KDM6A: variants seen among roughly 807,000 people sequenced by gnomAD.
The protein encoded by KDM6A is lysine demethylase 6A.
A neutral mutation model predicts 117.6 loss-of-function variants in KDM6A; 11 were observed. That is an observed-to-expected ratio of 0.09 (90% CI 0.06 to 0.15). The LOEUF (loss-of-function observed/expected upper bound fraction) is 0.15. Among genes scored for constraint, KDM6A ranks in the 10% least tolerant of loss-of-function variants. The pLI is 1.00. For synonymous variants in KDM6A, 384 were observed against 396.1 expected (o/e 0.97, Z 0.36); for missense variants, 799 against 1,077.3 (o/e 0.74, Z 3.62).
intron 4 of KDM6A, among the ~76,000 whole-genome samples, chrX:45,010,430 A>T (rs1207075102): frequency 1.8e-5 from 2 of 111,897 alleles, no homozygotes; most frequent in Non-Finnish European, 3.8e-5. Context: ...AAGTGTTGAC[A>T]CATGTCTTGT....
intron 2 of KDM6A, among the ~76,000 whole-genome samples, chrX:44,923,498 A>G (rs1194518863): frequency 2.4e-5 from 2 of 83,954 alleles, no homozygotes; most frequent in Admixed American, 2.7e-4. Context: ...CTTCAAGTTC[A>G]CTAATAATTT....
At chrX:44,898,996 AGAGG>A (rs2034118081) in intron 2 of KDM6A, among the ~76,000 whole-genome samples, 1 of 72,186 alleles carries the variant, frequency 1.4e-5, no homozygotes, top group African/African-American at 9.5e-5. Context: ...GGAGGGAGGG[AGAGG>A]GAGGGTGTGT....
At chrX:44,969,101 GTAA>G (rs1240587429) in intron 3 of KDM6A, among the ~76,000 whole-genome samples, 4 of 111,306 alleles carry the variant, frequency 3.6e-5, no homozygotes, top group African/African-American at 1.3e-4. Flanking sequence ...TTAGAGGAGT[GTAA>G]TAATCATTCC....
At chrX:45,046,207 T>C (rs2043530336) in intron 8 of KDM6A, among the ~76,000 whole-genome samples, 1 of 112,020 alleles carries the variant, frequency 8.9e-6, no homozygotes, top group Admixed American at 9.5e-5. Flanking sequence ...AGTCAAATTA[T>C]TATCACCATA....
rs185972870 is a variant in KDM6A at position 45,046,030 on chromosome X, C to A, written c.655-5679C>A. On this transcript the variant is annotated intron_variant, in intron 8 of 29. Coordinates refer to ENST00000611820, the MANE Select transcript of KDM6A (RefSeq NM_001291415.2). ...AGAGAGTCAATATACAGACTGATAT[C>A]ATGATGAATATTGGTGTAAAAATGC... is the stretch of plus-strand genomic sequence containing the variant. 1.8e-4 allele frequency among the ~76,000 whole-genome samples: 20 copies of A among 111,386 alleles called. No individual in the cohort carries two copies. The East Asian group carries it at 4.2e-3, about 23-fold the overall frequency.
chrX:45,060,609 G>A lies in KDM6A; in HGVS notation c.1330G>A (p.Ala444Thr), dbSNP rs1220086926. 6.7e-6 allele frequency: 7 copies of A among 1,052,220 alleles called. No homozygotes were observed. The South Asian group carries it at 1.4e-4, about 21-fold the overall frequency. The allele number at this position is 1,052,220 out of a possible 1,213,427, so 86.7% of individuals were successfully genotyped here. A position where few individuals can be genotyped will look rare whatever the true frequency, so the allele number is the denominator to read the frequency against. The part of the protein sequence containing the change: ...RQGAMNTAQQ[A>T]CKPHHPNTEP... ...TTTGTCTTCCTTCTGTGATTCTTAG[G>A]CATGTAAACCTCATCATCCAAATAC... Residue 444 changes from alanine (A) to threonine (T), a missense_variant and splice_region_variant, in exon 14 of 30, where the codon GCA becomes ACA. By Grantham distance (58) the Ala-to-Thr change is moderately conservative (BLOSUM62 0). Coordinates refer to ENST00000611820, the MANE Select transcript of KDM6A (RefSeq NM_001291415.2).
chrX:45,079,066 TC>T (rs2045269415), intron 20 of KDM6A, 79 bp from the exon 21 acceptor site: 1 of 855,920 alleles, frequency 1.2e-6, no homozygotes, highest in Non-Finnish European at 1.7e-6. Flanking sequence ...TTTACCTTCT[TC>T]CTTTAAAAAA....
Position 45,010,974 on chromosome X carries a change from T to C in KDM6A, c.398T>C (p.Leu133Ser). ...CTTCCTTTACAGAATGCTGCCTTTT[T>C]ATATGGTCTTGGTTTGGTCTACTTC... ...QSDYWKNAAFLYGLGLVYFHY... is the reference protein window; with the variant it reads ...QSDYWKNAAFSYGLGLVYFHY... Residue 133 changes from leucine (L) to serine (S), a missense_variant, in exon 5 of 30, where the codon TTA becomes TCA. Around this residue, in one of 8 missense-constraint regions of KDM6A, gnomAD observed 89 missense variants for 117.8 expected, o/e 0.76. Coordinates refer to ENST00000611820, the MANE Select transcript of KDM6A (RefSeq NM_001291415.2). 8.3e-7 allele frequency: 1 copy of C among 1,202,766 alleles called. No individual in the cohort carries two copies. The highest frequency in any genetic ancestry group is 1.1e-6 in the Non-Finnish European group (1 of 887,983).
intron 2 of KDM6A, among the ~76,000 whole-genome samples, chrX:44,905,381 T>A (rs1049737288): frequency 1.8e-5 from 2 of 112,407 alleles, no homozygotes; most frequent in African/African-American, 6.5e-5. Flanking sequence ...TCTGTTGTAT[T>A]CAGTACAGTA....
intron 4 of KDM6A, among the ~76,000 whole-genome samples, chrX:45,003,494 G>T (rs1056946054): frequency 9.3e-6 from 1 of 107,564 alleles, no homozygotes; most frequent in African/African-American, 3.4e-5. Context: ...CCATCTGCGG[G>T]TTACTGGGTT....
chrX:45,065,471 C>T (rs1189753270), intron 17 of KDM6A, among the ~76,000 whole-genome samples: 1 of 111,806 alleles, frequency 8.9e-6, no homozygotes, highest in Non-Finnish European at 1.9e-5. Flanking sequence ...CTCTTTGGTA[C>T]TCTGTGGATA....
intron 17 of KDM6A, among the ~76,000 whole-genome samples, chrX:45,069,148 T>C (rs1277115201): frequency 1.8e-5 from 2 of 112,503 alleles, no homozygotes; most frequent in Non-Finnish European, 3.7e-5. Flanking sequence ...ATTTTAATGA[T>C]AATTTTAAAG....
At chrX:44,986,024 G>A (rs188875415) in intron 4 of KDM6A, among the ~76,000 whole-genome samples, 4,247 of 111,589 alleles carry the variant, frequency 0.038, 219 homozygotes, top group African/African-American at 0.13. Context: ...ATTCGGCTGT[G>A]AATCCATCTG....
At chrX:44,876,938 T>C (rs2031652423) in intron 2 of KDM6A, among the ~76,000 whole-genome samples, 1 of 100,649 alleles carries the variant, frequency 9.9e-6, no homozygotes. Context: ...TATACGCATA[T>C]ACACACGTAT....
At position 45,060,644 on chromosome X, in the gene KDM6A, A is replaced by G. The variant is rs780829507; in HGVS notation, c.1365A>G (p.Val455=). The change falls in exon 14 of 30, where the codon GTA becomes GTG. Residue 455 remains valine (V), a synonymous_variant. Transcript: ENST00000611820. ...CTCATCATCCAAATACTGAACCTGT[A>G]TTAGGCCTCAGTCAAACACCAATTT... ...CKPHHPNTEP[V]LGLSQTPISQ... 8 of 1,067,420 alleles carry G rather than the reference A, an allele frequency of 7.5e-6. No homozygotes were observed. In the African/African-American group the frequency reaches 1.3e-4, roughly 17 times the overall value. 88.0% of individuals were successfully genotyped at this position (1,067,420 alleles called of 1,213,427 possible).
chrX:45,107,653 T>G, intron 28 of KDM6A, 117 bp downstream of exon 28: 3 of 691,087 alleles, frequency 4.3e-6, no homozygotes, highest in Non-Finnish European at 6.5e-6. Context: ...TTTATAGTAA[T>G]TAACATTGGA....
intron 4 of KDM6A, among the ~76,000 whole-genome samples, chrX:44,982,246 C>T (rs6520993): frequency 0.22 from 24,102 of 110,682 alleles, 4,337 homozygotes; most frequent in African/African-American, 0.61. Flanking sequence ...TGGTCTGTTA[C>T]AAGATATGCA....
chrX:45,015,674 T>G (rs1333361428), intron 5 of KDM6A, among the ~76,000 whole-genome samples: 1 of 112,067 alleles, frequency 8.9e-6, no homozygotes, highest in Admixed American at 9.5e-5. Context: ...GCTATCATGA[T>G]ACAAACATAC....
At position 44,923,319 on chromosome X, in the gene KDM6A, A is replaced by G. The variant is rs146969479; in HGVS notation, c.226-37965A>G. 4.8e-3 allele frequency among the ~76,000 whole-genome samples: 531 copies of G among 109,833 alleles called. 5 individuals carry two copies. In the South Asian group the frequency reaches 0.063, roughly 13 times the overall value. On this transcript the variant is annotated intron_variant, in intron 2 of 29. Coordinates refer to ENST00000611820, the MANE Select transcript of KDM6A (RefSeq NM_001291415.2). ...AATTCGGAAAATTTTTTGCTCTTGT[A>G]TCTTTAGATATTTTTCTGTGTCCTC...
Sources: gnomAD v4.1 joint callset for allele counts (sites outside exome capture counted in the v4.1 genomes callset) on GRCh38, gnomAD v4.1.1 for gene constraint, gnomAD v4.1.1 regional missense constraint, MANE v1.5 for transcripts, NCBI Gene and HGNC (gene_info 2026-07-23, HGNC 2026-07-21) for gene names.